ADGRL2: variants seen among roughly 807,000 people sequenced by gnomAD.
ADGRL2 encodes the protein adhesion G protein-coupled receptor L2.
ADGRL2 carries 44 observed loss-of-function variants against 157.4 expected under a neutral mutation model. The observed-to-expected ratio is 0.28, with a 90% confidence interval of 0.22 to 0.36. The LOEUF is 0.36. Among genes scored for constraint, ADGRL2 ranks in the 10% least tolerant of loss-of-function variants. ADGRL2 has a pLI of 1.00. For synonymous variants in ADGRL2, 585 were observed against 624.7 expected (o/e 0.94, Z 0.95); for missense variants, 1,510 against 1,768.9 (o/e 0.85, Z 2.63).
chr1:81,967,098 TACTTACGTA>T (rs781386386), intron 13 of ADGRL2, among the ~76,000 whole-genome samples: 2 of 152,160 alleles, frequency 1.3e-5, no homozygotes, highest in Non-Finnish European at 2.9e-5. Flanking sequence ...TGCAAGTTGA[TACTTACGTA>T]ACTACACTGT....
intron 3 of ADGRL2, among the ~76,000 whole-genome samples, chr1:81,936,215 C>T (rs1484151594): frequency 1.3e-5 from 2 of 151,910 alleles, no homozygotes; most frequent in Non-Finnish European, 2.9e-5. Context: ...GAAATTCACA[C>T]CCAACTGGAT....
chr1:81,329,550 C>T (rs954450174), intron 1 of ADGRL2, among the ~76,000 whole-genome samples: 1 of 152,146 alleles, frequency 6.6e-6, no homozygotes, highest in Non-Finnish European at 1.5e-5. Flanking sequence ...GAAAATATTT[C>T]TCTAAAAGCT....
At chr1:81,970,002 G>A (rs1183042869) in intron 15 of ADGRL2, among the ~76,000 whole-genome samples, 1 of 77,108 alleles carries the variant, frequency 1.3e-5, no homozygotes, top group Non-Finnish European at 2.5e-5. Context: ...TTTCATAACA[G>A]ATAATTCACA....
chr1:81,789,115 T>C (rs2087203155), intron 2 of ADGRL2, among the ~76,000 whole-genome samples: 2 of 152,306 alleles, frequency 1.3e-5, no homozygotes, highest in African/African-American at 2.4e-5. Context: ...ACCCAGTGTG[T>C]ATGGTGCAAA....
chr1:81,688,241 C>T (rs1404946364), intron 3 of ADGRL2, among the ~76,000 whole-genome samples: 2 of 152,096 alleles, frequency 1.3e-5, no homozygotes, highest in Non-Finnish European at 2.9e-5. Flanking sequence ...GGCAGTTTTC[C>T]TCGATTATTC....
At chr1:81,691,452 T>A (rs140443562) in intron 3 of ADGRL2, among the ~76,000 whole-genome samples, 1 of 152,266 alleles carries the variant, frequency 6.6e-6, no homozygotes, top group African/African-American at 2.4e-5. Flanking sequence ...AGTATTTTGA[T>A]TGCATATACC....
intron 3 of ADGRL2, among the ~76,000 whole-genome samples, chr1:81,604,280 T>A (rs984171749): frequency 6.6e-6 from 1 of 152,170 alleles, no homozygotes; most frequent in Non-Finnish European, 1.5e-5. Flanking sequence ...GAACCCAACA[T>A]CTTAAACAGA....
chr1:81,604,108 C>T (rs564198961), intron 3 of ADGRL2, among the ~76,000 whole-genome samples: 5 of 151,940 alleles, frequency 3.3e-5, no homozygotes, highest in Non-Finnish European at 7.4e-5. Context: ...GGATTACAGG[C>T]GCATGCCACC....
intron 2 of ADGRL2, among the ~76,000 whole-genome samples, chr1:81,886,498 A>G (rs2094132066): frequency 6.6e-6 from 1 of 152,190 alleles, no homozygotes; most frequent in African/African-American, 2.4e-5. Context: ...CCCAAATTAT[A>G]GTCTATAAAA....
intron 1 of ADGRL2, among the ~76,000 whole-genome samples, chr1:81,351,247 TA>T (rs1662864810): frequency 6.6e-6 from 1 of 151,750 alleles, no homozygotes; most frequent in South Asian, 2.1e-4. Flanking sequence ...TTTTTTTTTT[TA>T]ACCCTCTCTT....
intron 1 of ADGRL2, among the ~76,000 whole-genome samples, chr1:81,811,451 T>C (rs1432683032): frequency 6.6e-6 from 1 of 151,666 alleles, no homozygotes; most frequent in Non-Finnish European, 1.5e-5. Context: ...GCATCAGCGT[T>C]CTGCAGCAAC....
chr1:81,941,651 CTATAGCATACA>C (rs1411722398), intron 4 of ADGRL2, among the ~76,000 whole-genome samples: 1 of 151,692 alleles, frequency 6.6e-6, no homozygotes, highest in Non-Finnish European at 1.5e-5. Context: ...GCATTTATGT[CTATAGCATACA>C]TATAGGAAGT....
In ADGRL2 at chr1:81,603,509, G is replaced by A. The variant is rs139935759; in HGVS notation, c.-143+22529G>A. ...AGGTATGTATGTCAATGCCCAGGCT[G>A]ACCTACAGGATGCCAGAAGGTTCTG... On this transcript the variant is annotated intron_variant, in intron 3 of 24. Coordinates refer to the ADGRL2 transcript ENST00000370721. 1.3e-4 allele frequency among the ~76,000 whole-genome samples: 20 copies of A among 152,294 alleles called. No homozygotes were observed. The East Asian group carries it at 3.9e-3, about 29-fold the overall frequency.
intron 3 of ADGRL2, among the ~76,000 whole-genome samples, chr1:81,610,140 A>G (rs1426450562): frequency 6.6e-6 from 1 of 152,042 alleles, no homozygotes; most frequent in Non-Finnish European, 1.5e-5. Context: ...TCCTTAGAGC[A>G]TAAGATCTAT....
chr1:81,869,733 A>C (rs563374349), intron 2 of ADGRL2, among the ~76,000 whole-genome samples: 9 of 152,094 alleles, frequency 5.9e-5, no homozygotes, highest in Admixed American at 3.3e-4. Context: ...TGTGACTCAG[A>C]ATTGAGTAAT....
intron 1 of ADGRL2, among the ~76,000 whole-genome samples, chr1:81,809,234 A>T (rs1327426774): frequency 1.3e-5 from 2 of 151,998 alleles, no homozygotes; most frequent in Non-Finnish European, 2.9e-5. Flanking sequence ...AAAGAAGCCT[A>T]TTTAAGGCTA....
intron 1 of ADGRL2, among the ~76,000 whole-genome samples, chr1:81,432,575 A>G (rs2077340820): frequency 6.6e-6 from 1 of 152,216 alleles, no homozygotes; most frequent in Non-Finnish European, 1.5e-5. Flanking sequence ...AAATGTTATT[A>G]TGAGTTCTTA....
chr1:81,640,847 A>G (rs78438977), intron 3 of ADGRL2, among the ~76,000 whole-genome samples: 3,187 of 152,230 alleles, frequency 0.021, 57 homozygotes, highest in Non-Finnish European at 0.035. Flanking sequence ...AGGCCAGTTT[A>G]AATCTCCAAT....
intron 1 of ADGRL2, among the ~76,000 whole-genome samples, chr1:81,345,405 C>G (rs2100794540): frequency 6.6e-6 from 1 of 152,288 alleles, no homozygotes; most frequent in Non-Finnish European, 1.5e-5. Context: ...TTTAAAGAAA[C>G]CCTCTGGCCA....
Sources: gnomAD v4.1 joint callset for allele counts (sites outside exome capture counted in the v4.1 genomes callset) on GRCh38, gnomAD v4.1.1 for gene constraint, MANE v1.5 for transcripts, NCBI Gene and HGNC (gene_info 2026-07-23, HGNC 2026-07-21) for gene names.